The following AGMO variants were observed in gnomAD, a reference collection of about 807,000 sequenced individuals.
The protein encoded by AGMO is alkylglycerol monooxygenase, also known as glyceryl-ether monooxygenase.
In AGMO, 75 loss-of-function variants were observed where a neutral mutation model predicts 60.2. The observed-to-expected ratio is 1.25, with a 90% CI of 1.03 to 1.51. The LOEUF (loss-of-function observed/expected upper bound fraction) is 1.51, where lower values mean the gene tolerates loss of function less well. AGMO is among the 40% of genes most tolerant of loss of function. The pLI is 0.00. For missense variants in AGMO, 763 were observed against 525.5 expected (o/e 1.45, Z -4.42); for synonymous variants, 261 against 177.1 (o/e 1.47, Z -3.76).
chr7:15,221,098 T>G (rs1781906472), intron 12 of AGMO, among the ~76,000 whole-genome samples: 1 of 152,196 alleles, frequency 6.6e-6, no homozygotes, highest in South Asian at 2.1e-4. Flanking sequence ...GTAAATATTT[T>G]CTGTTGTTGT....
At chr7:15,333,740 T>C (rs1345976524) in intron 12 of AGMO, among the ~76,000 whole-genome samples, 1 of 152,042 alleles carries the variant, frequency 6.6e-6, no homozygotes, top group African/African-American at 2.4e-5. Context: ...ATGCAAATTA[T>C]CTTACACTAA....
intron 4 of AGMO, among the ~76,000 whole-genome samples, chr7:15,420,779 G>T (rs1268411957): frequency 2.0e-5 from 3 of 152,074 alleles, no homozygotes; most frequent in Non-Finnish European, 2.9e-5. Flanking sequence ...TTGGTAGCTG[G>T]ATTAGGCACA....
intron 6 of AGMO, 128 bp downstream of exon 6, chr7:15,393,985 A>C (rs908013521): frequency 4.4e-6 from 3 of 677,660 alleles, no homozygotes; most frequent in Non-Finnish European, 7.4e-6. Flanking sequence ...AGAAAAGAAG[A>C]AACTATTATT....
chr7:15,193,263 TTAAG>T, the AGMO span, among the ~76,000 whole-genome samples: 3 of 152,250 alleles, frequency 2.0e-5, no homozygotes, highest in South Asian at 2.1e-4. Context: ...TTTTCTCTTA[TTAAG>T]TGATATAATT....
At chr7:15,446,072 A>G (rs936150146) in intron 3 of AGMO, among the ~76,000 whole-genome samples, 3 of 152,200 alleles carry the variant, frequency 2.0e-5, no homozygotes, top group Non-Finnish European at 4.4e-5. Context: ...ACTATCGTAC[A>G]TGTGATGAAG....
chr7:15,472,910 A>G (rs1018598932), intron 3 of AGMO, among the ~76,000 whole-genome samples: 1 of 151,944 alleles, frequency 6.6e-6, no homozygotes, highest in African/African-American at 2.4e-5. Flanking sequence ...AGTAGGAAAC[A>G]AAGCAATAGG....
chr7:15,223,965 A>T lies in AGMO; in HGVS notation c.1264-22606T>A, dbSNP rs184976069. ...AAACAAACTTGGCTGGAGGCTATCA[A>T]GTAAAAACTTTATTATTTAAAATTC... On this transcript the variant is annotated intron_variant, in intron 12 of 12. Transcript: ENST00000342526. Among the ~76,000 whole-genome samples, 622 of 152,200 alleles carry T rather than the reference A, an allele frequency of 4.1e-3. 3 individuals carry two copies. Among genetic ancestry groups the T allele is most frequent in the African/African-American group, 0.013 (551 of 41,554 alleles).
intron 12 of AGMO, among the ~76,000 whole-genome samples, chr7:15,311,473 A>C (rs1444625838): frequency 6.6e-6 from 1 of 151,788 alleles, no homozygotes; most frequent in African/African-American, 2.4e-5. Context: ...CTTAGGCCTG[A>C]GCAGAGGTAG....
chr7:15,495,138 T>C (rs1107506), intron 3 of AGMO, among the ~76,000 whole-genome samples: 112,653 of 152,048 alleles, frequency 0.74, 43,110 homozygotes, highest in East Asian at 0.96. Flanking sequence ...ACCCCCATCA[T>C]GATGCTTTTG....
chr7:15,181,430 C>T, the AGMO span, among the ~76,000 whole-genome samples: 4 of 152,108 alleles, frequency 2.6e-5, no homozygotes, highest in Admixed American at 6.5e-5. Context: ...TGGACCCAAA[C>T]GAAACTATTT....
intron 3 of AGMO, among the ~76,000 whole-genome samples, chr7:15,500,867 C>T (rs999163231): frequency 1.3e-5 from 2 of 151,902 alleles, no homozygotes; most frequent in African/African-American, 4.8e-5. Context: ...AGCTGCGTCT[C>T]AGAGATTCTG....
intron 6 of AGMO, among the ~76,000 whole-genome samples, chr7:15,391,617 C>G (rs1583497626): frequency 6.6e-6 from 1 of 152,126 alleles, no homozygotes; most frequent in South Asian, 2.1e-4. Flanking sequence ...TGTTCCCATT[C>G]CTTTGCATGG....
the AGMO span, among the ~76,000 whole-genome samples, chr7:15,135,162 T>TGTG: frequency 2.9e-3 from 299 of 102,092 alleles, 2 homozygotes; most frequent in East Asian, 0.021. Flanking sequence ...TTATATGAGT[T>TGTG]TGTGTGTGTG....
the AGMO span, among the ~76,000 whole-genome samples, chr7:15,181,007 CCCCTCTCCTGTGATAATGAA>C: frequency 1.3e-5 from 2 of 152,044 alleles, no homozygotes; most frequent in East Asian, 3.9e-4. Context: ...TTATGTAAAG[CCCCTCTCCTGTGATAATGAA>C]CCCACTCCCT....
At chr7:15,489,375 G>A (rs1783008601) in intron 3 of AGMO, among the ~76,000 whole-genome samples, 2 of 152,126 alleles carry the variant, frequency 1.3e-5, no homozygotes, top group Non-Finnish European at 2.9e-5. Flanking sequence ...AAGCAGGAAA[G>A]CAGGCAGGAA....
At chr7:15,176,229 G>T in the AGMO span, among the ~76,000 whole-genome samples, 1 of 151,934 alleles carries the variant, frequency 6.6e-6, no homozygotes. Context: ...CATCAAAAAA[G>T]TTTTTTATCC....
At chr7:15,217,138 A>C (rs1781765416) in intron 12 of AGMO, among the ~76,000 whole-genome samples, 1 of 152,078 alleles carries the variant, frequency 6.6e-6, no homozygotes, top group South Asian at 2.1e-4. Context: ...ATGAAATGTG[A>C]CCTTGAATCT....
At chr7:15,155,418 T>TA in the AGMO span, among the ~76,000 whole-genome samples, 1 of 95,992 alleles carries the variant, frequency 1.0e-5, no homozygotes, top group Admixed American at 1.2e-4. Context: ...TTACAGAATT[T>TA]CTTTTTTTTT....
At chr7:15,142,506 A>G in the AGMO span, among the ~76,000 whole-genome samples, 3 of 152,190 alleles carry the variant, frequency 2.0e-5, no homozygotes, top group Non-Finnish European at 2.9e-5. Flanking sequence ...CAGCCTCCAT[A>G]ATTTCTTCTT....
Sources: gnomAD v4.1 joint callset for allele counts (sites outside exome capture counted in the v4.1 genomes callset) on GRCh38, gnomAD v4.1.1 for gene constraint, MANE v1.5 for transcripts, NCBI Gene and HGNC (gene_info 2026-07-23, HGNC 2026-07-21) for gene names.